Variants in STRAP observed in about 807,000 individuals in gnomAD.
STRAP encodes the protein serine-threonine kinase receptor-associated protein.
STRAP carries 16 observed loss-of-function variants against 47.0 expected under a neutral mutation model. That is an observed-to-expected ratio of 0.34 (90% CI 0.23 to 0.52). The LOEUF (loss-of-function observed/expected upper bound fraction) is 0.52. Among genes scored for constraint, STRAP ranks in the 20% least tolerant of loss-of-function variants. STRAP has a pLI of 0.96. For missense variants in STRAP, 293 were observed against 420.0 expected, an observed-to-expected ratio of 0.70 and a Z score of 2.64; for synonymous variants, 130 against 142.7, an observed-to-expected ratio of 0.91 and a Z score of 0.63.
chr12:15,893,498 T>A (rs1948034433), intron 4 of STRAP, among the ~76,000 whole-genome samples: 2 of 147,084 alleles, frequency 1.4e-5, no homozygotes, highest in South Asian at 4.2e-4. Flanking sequence ...ATTCTTTTTA[T>A]TATACATATA....
rs1192048144 is a variant in STRAP at position 15,887,826 on chromosome 12, G to A, written c.249-2102G>A. On this transcript the variant is annotated intron_variant, in intron 2 of 9. Transcript: ENST00000419869. This position sits in a 1 kb window ranked among gnomAD's most constrained non-coding sequence, Gnocchi z 5.5. ...AGCTTGGGCAATATACCAAGATCCT[G>A]TCTCAAAAAAAAAAAGAGAGAGAGG... Among the ~76,000 whole-genome samples the A allele has an allele frequency of 6.6e-6, 1 of 150,986 alleles. No homozygotes were observed. Among genetic ancestry groups the A allele is most frequent in the African/African-American group, 2.4e-5 (1 of 41,080 alleles).
chr12:15,886,992 C>T (rs1275458510), intron 2 of STRAP, among the ~76,000 whole-genome samples: 2 of 151,992 alleles, frequency 1.3e-5, no homozygotes, highest in Admixed American at 6.5e-5. Flanking sequence ...TGCTGTGCTC[C>T]CAAGAGGGCT....
At chr12:15,893,651 T>C (rs1948036479) in intron 4 of STRAP, among the ~76,000 whole-genome samples, 1 of 148,038 alleles carries the variant, frequency 6.8e-6, no homozygotes, top group Non-Finnish European at 1.5e-5. Flanking sequence ...AATAATGCTT[T>C]TATATTTATT....
At chr12:15,886,785 A>G (rs1289850063) in intron 2 of STRAP, among the ~76,000 whole-genome samples, 1 of 152,024 alleles carries the variant, frequency 6.6e-6, no homozygotes, top group Non-Finnish European at 1.5e-5. Flanking sequence ...TGGAAAACTC[A>G]TTTATGGTGT....
chr12:15,883,584 T>TGGAA lies in STRAP; in HGVS notation c.157_160dup (p.Thr54ArgfsTer7). ...GCCAGGGAGATACAGGAGACTGGAT[T>TGGAA]GGAACATTTTTGGGTCATAAAGGTG... On this transcript the variant is annotated frameshift_variant, in exon 2 of 10. Transcript: ENST00000419869. LOFTEE classifies it high-confidence loss of function. 6.2e-7 allele frequency: 1 copy of TGGAA among 1,614,114 alleles called. No individual in the cohort carries two copies. Among genetic ancestry groups the TGGAA allele is most frequent in the Non-Finnish European group, 8.5e-7 (1 of 1,180,038 alleles).
At position 15,890,489 on chromosome 12, in the gene STRAP, C is replaced by T; in HGVS notation, c.331-108C>T. On this transcript the variant is annotated intron_variant, in intron 3 of 9. Coordinates refer to ENST00000419869, the MANE Select transcript of STRAP (RefSeq NM_007178.4). The surrounding 1 kb of genome is among the most constrained non-coding windows in gnomAD (Gnocchi z 4.5). Reference sequence around the variant, plus strand: ...AGTAATTGGTTATGTCTTGGCATCTCTTTGTGATGTCTGTGAGCTAGATTT... The same window carrying T: ...AGTAATTGGTTATGTCTTGGCATCTTTTTGTGATGTCTGTGAGCTAGATTT... The T allele has an allele frequency of 1.1e-6, 1 of 922,872 alleles. No individual in the cohort carries two copies. The highest frequency in any genetic ancestry group is 1.7e-5 in the African/African-American group (1 of 59,122). 57.2% of individuals were successfully genotyped at this position (922,872 alleles called of 1,614,324 possible). A position where few individuals can be genotyped will look rare whatever the true frequency, so the allele number is the denominator to read the frequency against.
chr12:15,894,748 G>T lies in STRAP; in HGVS notation c.500+605G>T, dbSNP rs898120287. Among the ~76,000 whole-genome samples, 6 of 152,160 alleles carry T rather than the reference G, an allele frequency of 3.9e-5. No individual in the cohort carries two copies. The highest frequency in any genetic ancestry group is 1.9e-4 in the East Asian group (1 of 5,184). ...TTTTCAGGTTAGGAATTCTCAGTTGGTAAGTGTCTAATGCAAATATTCCAA... is the reference window on the plus strand; with the variant it reads ...TTTTCAGGTTAGGAATTCTCAGTTGTTAAGTGTCTAATGCAAATATTCCAA... On this transcript the variant is annotated intron_variant, in intron 5 of 9. Coordinates refer to ENST00000419869, the MANE Select transcript of STRAP (RefSeq NM_007178.4). This position sits in a 1 kb window ranked among gnomAD's most constrained non-coding sequence, Gnocchi z 4.9.
At position 15,900,034 on chromosome 12, in the gene STRAP, T is replaced by G. The variant is rs1195326929; in HGVS notation, c.906T>G (p.Leu302=). 6 of 1,612,274 alleles carry G rather than the reference T, an allele frequency of 3.7e-6. No homozygotes were observed. The highest frequency in any genetic ancestry group is 5.1e-6 in the Non-Finnish European group (6 of 1,179,332). Residue 302 remains leucine, a synonymous_variant, in exon 8 of 10, where the codon CTT becomes CTG. Transcript: ENST00000419869. ...WQTVVGKTYG[L]WKCVLPEEDS... ...CTGTGGTAGGAAAAACGTATGGCCT[T>G]TGGAAATGTGTGCTTCCTGGTAAGA...
chr12:15,892,113 A>C (rs1242548860), intron 4 of STRAP, among the ~76,000 whole-genome samples: 1 of 152,172 alleles, frequency 6.6e-6, no homozygotes, highest in Non-Finnish European at 1.5e-5. Flanking sequence ...ATTAATGTGA[A>C]TATTCATGAG....
chr12:15,901,656 T>TAAAG, intron 9 of STRAP, among the ~76,000 whole-genome samples: 1 of 152,002 alleles, frequency 6.6e-6, no homozygotes. Flanking sequence ...GCCTTGGTAG[T>TAAAG]TCAAGACCAA....
Position 15,902,961 on chromosome 12 carries a change from C to T in STRAP, c.1036C>T (p.Pro346Ser). The change falls in exon 10 of 10, where the codon CCT becomes TCT. Residue 346 changes from proline to serine, a missense_variant. This residue lies in a region of STRAP where 52 missense variants were observed against 45.0 expected (regional missense o/e 1.16). Transcript: ENST00000419869. Reference sequence around the variant, plus strand: ...TTCAGATTGCATCTTTCCTTCAGCTCCTGATGTTAAGGCCTGAGCGTCAAT... The same window carrying T: ...TTCAGATTGCATCTTTCCTTCAGCTTCTGATGTTAAGGCCTGAGCGTCAAT... ...ENSDCIFPSA[P>S]DVKA 1 of 1,501,630 alleles carries T rather than the reference C, an allele frequency of 6.7e-7. No homozygotes were observed. Among genetic ancestry groups the T allele is most frequent in the Non-Finnish European group, 8.8e-7 (1 of 1,137,388 alleles). 93.0% of individuals were successfully genotyped at this position (1,501,630 alleles called of 1,614,324 possible).
chr12:15,900,498 C>G (rs1329438444), intron 8 of STRAP, among the ~76,000 whole-genome samples: 1 of 150,598 alleles, frequency 6.6e-6, no homozygotes, highest in African/African-American at 2.5e-5. Flanking sequence ...GCACTCCAGC[C>G]TGGGCAAGAG....
Position 15,890,747 on chromosome 12 carries a change from G to A in STRAP, c.403+78G>A, listed in dbSNP as rs1313006592. On this transcript the variant is annotated intron_variant, in intron 4 of 9. Coordinates refer to ENST00000419869, the MANE Select transcript of STRAP (RefSeq NM_007178.4). This position sits in a 1 kb window ranked among gnomAD's most constrained non-coding sequence, Gnocchi z 4.5. ...AACTGATTAAAGAATTTCATGCTCA[G>A]TACTCAAATTTGGAAAATAAAGATA... 2 of 1,305,412 alleles carry A rather than the reference G, an allele frequency of 1.5e-6. No individual in the cohort carries two copies. The highest frequency in any genetic ancestry group is 2.1e-6 in the Non-Finnish European group (2 of 933,398). 80.9% of individuals were successfully genotyped at this position (1,305,412 alleles called of 1,614,324 possible). A position where few individuals can be genotyped will look rare whatever the true frequency, so the allele number is the denominator to read the frequency against.
At chr12:15,902,826 TC>T in intron 9 of STRAP, 90 bp from the exon 10 acceptor site, 1 of 1,390,946 alleles carries the variant, frequency 7.2e-7, no homozygotes, top group Non-Finnish European at 9.4e-7. Flanking sequence ...ACTTTTTCAT[TC>T]CTTCATTACA....
At chr12:15,889,230 T>C (rs1307596671) in intron 2 of STRAP, among the ~76,000 whole-genome samples, 2 of 152,176 alleles carry the variant, frequency 1.3e-5, no homozygotes, top group Non-Finnish European at 2.9e-5. Context: ...TAAATGTATG[T>C]ATACCTATAA....
intron 4 of STRAP, among the ~76,000 whole-genome samples, chr12:15,892,714 A>G (rs1948027057): frequency 6.6e-6 from 1 of 152,200 alleles, no homozygotes; most frequent in South Asian, 2.1e-4. Context: ...TTTATTCTCC[A>G]TTGCATGTAG....
intron 2 of STRAP, among the ~76,000 whole-genome samples, chr12:15,884,297 T>G (rs1248553920): frequency 2.0e-5 from 3 of 152,152 alleles, no homozygotes; most frequent in African/African-American, 7.2e-5. Context: ...TTTTTAACTT[T>G]CAGTAGTTTC....
rs543751132 is a variant in STRAP, at chr12:15,896,780, G to A, written c.639-1102G>A. The stretch of plus-strand genomic sequence containing the variant: ...CTGTAAGTAGAATTATCAGTTCAAA[G>A]GCTAGAAATGAGTTTAAAGTTCTTA... On this transcript the variant is annotated intron_variant, in intron 6 of 9. Coordinates refer to ENST00000419869, the MANE Select transcript of STRAP (RefSeq NM_007178.4). The surrounding 1 kb of genome is among the most constrained non-coding windows in gnomAD (Gnocchi z 4.1). Among the ~76,000 whole-genome samples, 2 of 152,220 alleles carry A rather than the reference G, an allele frequency of 1.3e-5. No individual in the cohort carries two copies.
intron 6 of STRAP, 88 bp from the exon 7 acceptor site, chr12:15,897,794 G>C (rs1948072561): frequency 1.2e-6 from 1 of 846,784 alleles, no homozygotes; most frequent in African/African-American, 1.9e-5. Flanking sequence ...ATTGTTCCTT[G>C]GGTTTCAGAA....
Sources: gnomAD v4.1 joint callset for allele counts (sites outside exome capture counted in the v4.1 genomes callset) on GRCh38, gnomAD v4.1.1 for gene constraint, gnomAD v4.1.1 regional missense constraint, Gnocchi (gnomAD v3.1) non-coding constraint, MANE v1.5 for transcripts, NCBI Gene and HGNC (gene_info 2026-07-23, HGNC 2026-07-21) for gene names.